The following ARL5B variants were observed in gnomAD, a reference collection of about 807,000 sequenced individuals.
ARL5B encodes ARF like GTPase 5B, also known as ADP-ribosylation factor-like protein 5B.
ARL5B carries 10 observed loss-of-function variants against 26.9 expected under a neutral mutation model. The observed-to-expected ratio is 0.37, with a 90% CI of 0.23 to 0.63. ARL5B has a LOEUF of 0.63. Ranked by LOEUF, ARL5B falls within the 30% of genes least tolerant of loss-of-function variation. ARL5B has a pLI of 0.62. For missense variants in ARL5B, 167 were observed against 213.9 expected, an observed-to-expected ratio of 0.78 and a Z score of 1.37; for synonymous variants, 87 against 70.4, an observed-to-expected ratio of 1.24 and a Z score of -1.18.
In ARL5B at chr10:18,681,476, G is replaced by A. The variant is rs535093672; in HGVS notation, c.*6260G>A. The A allele has an allele frequency of 6.6e-6, 1 of 152,104 alleles. No homozygotes were observed. The highest frequency in any genetic ancestry group is 1.5e-5 in the Non-Finnish European group (1 of 68,010). 9.4% of individuals were successfully genotyped at this position (152,104 alleles called of 1,614,324 possible). The stretch of plus-strand genomic sequence containing the variant: ...GCAATTATGTTATAATGAGTTGTTT[G>A]CATGCCTACTTAACCCAAGTAAAAC... On this transcript the variant is annotated 3_prime_UTR_variant, in exon 6 of 6. Coordinates refer to ENST00000377275, the MANE Select transcript of ARL5B (RefSeq NM_178815.5).
intron 3 of ARL5B, among the ~76,000 whole-genome samples, chr10:18,669,032 G>T (rs551978024): frequency 1.2e-3 from 183 of 152,310 alleles, no homozygotes; most frequent in African/African-American, 4.2e-3. Flanking sequence ...GCCTCCCAAA[G>T]TGCTGGGATT....
At chr10:18,666,943 G>T (rs1342200372) in intron 2 of ARL5B, among the ~76,000 whole-genome samples, 1 of 152,046 alleles carries the variant, frequency 6.6e-6, no homozygotes, top group African/African-American at 2.4e-5. Flanking sequence ...ACCCCACTTG[G>T]GTTTATGTAA....
chr10:18,674,250 A>C, intron 5 of ARL5B, 115 bp downstream of exon 5: 1 of 983,120 alleles, frequency 1.0e-6, no homozygotes, highest in Non-Finnish European at 1.4e-6. Flanking sequence ...GTTCTTAATT[A>C]AAGGTGACTT....
At chr10:18,660,736 A>G (rs1282951523) in intron 1 of ARL5B, among the ~76,000 whole-genome samples, 1 of 152,250 alleles carries the variant, frequency 6.6e-6, no homozygotes, top group Non-Finnish European at 1.5e-5. Flanking sequence ...ATGTGTATAT[A>G]TATGTATATG....
chr10:18,671,694 A>G (rs1183545485), intron 3 of ARL5B, among the ~76,000 whole-genome samples: 1 of 148,508 alleles, frequency 6.7e-6, no homozygotes, highest in East Asian at 2.1e-4. Context: ...AAAATGAGTT[A>G]GGGCCTCTCT....
At chr10:18,674,367 A>G (rs2059901412) in intron 5 of ARL5B, among the ~76,000 whole-genome samples, 4 of 152,234 alleles carry the variant, frequency 2.6e-5, no homozygotes, top group Admixed American at 2.0e-4. Context: ...GCAATAAACT[A>G]TTGAATTGAG....
intron 1 of ARL5B, among the ~76,000 whole-genome samples, chr10:18,663,705 C>A (rs559142598): frequency 6.6e-6 from 1 of 150,620 alleles, no homozygotes; most frequent in Non-Finnish European, 1.5e-5. Flanking sequence ...TCTGCCACCA[C>A]GCCCGGCTGA....
chr10:18,674,661 T>C (rs1462892497), intron 5 of ARL5B, among the ~76,000 whole-genome samples: 1 of 152,228 alleles, frequency 6.6e-6, no homozygotes, highest in African/African-American at 2.4e-5. Flanking sequence ...AAGAACCGAA[T>C]GTTATTTAAG....
intron 2 of ARL5B, among the ~76,000 whole-genome samples, chr10:18,667,727 A>C (rs61839374): frequency 6.6e-6 from 1 of 151,944 alleles, no homozygotes; most frequent in South Asian, 2.1e-4. Flanking sequence ...ACACACACAC[A>C]AACACACACA....
chr10:18,659,629 G>C lies in ARL5B; in HGVS notation c.-9G>C, dbSNP rs778721717. On this transcript the variant is annotated 5_prime_UTR_variant, in exon 1 of 6. Transcript: ENST00000377275. ...CCGAGGGACCCCGCGGCCCGCCCCG[G>C]TGCTCGTGATGGGGCTGATCTTCGC... The C allele has an allele frequency of 1.4e-5, 22 of 1,609,314 alleles. No individual in the cohort carries two copies. Among genetic ancestry groups the C allele is most frequent in the Non-Finnish European group, 1.8e-5 (21 of 1,178,122 alleles).
Position 18,671,592 on chromosome 10 carries a change from A to G in ARL5B, c.256-1030A>G, listed in dbSNP as rs547607837. Among the ~76,000 whole-genome samples, 7 of 151,836 alleles carry G rather than the reference A, an allele frequency of 4.6e-5. No homozygotes were observed. The East Asian group carries it at 1.4e-3, about 30-fold the overall frequency. ...CTCATTTCTTAACTTTTTATTCTGT[A>G]TACAGTGTTCAGCTTAAGGGTGCTT... On this transcript the variant is annotated intron_variant, in intron 3 of 5. Transcript: ENST00000377275.
rs975049001 is a variant in ARL5B at position 18,681,619 on chromosome 10, T to C, written c.*6403T>C. The C allele has an allele frequency of 3.3e-5, 5 of 152,216 alleles. No individual in the cohort carries two copies. Among genetic ancestry groups the C allele is most frequent in the Non-Finnish European group, 5.9e-5 (4 of 68,050 alleles). The allele number at this position is 152,216 out of a possible 1,614,324, so 9.4% of individuals were successfully genotyped here. A position where few individuals can be genotyped will look rare whatever the true frequency, so the allele number is the denominator to read the frequency against. On this transcript the variant is annotated 3_prime_UTR_variant, in exon 6 of 6. Transcript: ENST00000377275. ...TTCAACAGTTTTATTTTTGTCATAATAAATAATTACTTTTCCAATACGAAG... is the reference window on the plus strand; with the variant it reads ...TTCAACAGTTTTATTTTTGTCATAACAAATAATTACTTTTCCAATACGAAG...
chr10:18,675,336 A>T lies in ARL5B; in HGVS notation c.*120A>T. ...ATAACAACACAAACCTCTGAGAGCA[A>T]CACTTGAATCAAGTGCAGCTGAACT... On this transcript the variant is annotated 3_prime_UTR_variant, in exon 6 of 6. Coordinates refer to ENST00000377275, the MANE Select transcript of ARL5B (RefSeq NM_178815.5). 1 of 945,576 alleles carries T rather than the reference A, an allele frequency of 1.1e-6. No homozygotes were observed. The highest frequency in any genetic ancestry group is 1.6e-6 in the Non-Finnish European group (1 of 610,216). The allele number at this position is 945,576 out of a possible 1,614,324, so 58.6% of individuals were successfully genotyped here.
intron 1 of ARL5B, among the ~76,000 whole-genome samples, chr10:18,664,477 G>A (rs561805880): frequency 1.8e-5 from 2 of 109,104 alleles, no homozygotes; most frequent in East Asian, 6.6e-4. Flanking sequence ...TCGCTCTGTT[G>A]CCCAGGCTGG....
At chr10:18,669,994 C>CAAA (rs1210060603) in intron 3 of ARL5B, among the ~76,000 whole-genome samples, 5 of 65,130 alleles carry the variant, frequency 7.7e-5, no homozygotes, top group Non-Finnish European at 1.3e-4. Flanking sequence ...ACTCTTATCT[C>CAAA]AAAAAAAAAA....
intron 3 of ARL5B, among the ~76,000 whole-genome samples, chr10:18,672,041 CT>C (rs2059890047): frequency 6.6e-6 from 1 of 152,110 alleles, no homozygotes; most frequent in Non-Finnish European, 1.5e-5. Context: ...GGTGTCTTGC[CT>C]TTATTTAATT....
intron 5 of ARL5B, among the ~76,000 whole-genome samples, chr10:18,674,444 C>T (rs924723439): frequency 1.3e-5 from 2 of 152,100 alleles, no homozygotes; most frequent in African/African-American, 4.8e-5. Flanking sequence ...TGTAATGTCA[C>T]CTTTCTTTTA....
intron 1 of ARL5B, among the ~76,000 whole-genome samples, chr10:18,665,635 C>T (rs1308198311): frequency 2.0e-5 from 3 of 152,082 alleles, no homozygotes; most frequent in South Asian, 2.1e-4. Flanking sequence ...TCAAGAAGAG[C>T]GGGATTCTGA....
intron 2 of ARL5B, 106 bp downstream of exon 2, chr10:18,666,741 GTTTT>G (rs45622941): frequency 1.2e-6 from 1 of 854,718 alleles, no homozygotes; most frequent in African/African-American, 1.8e-5. Context: ...TTAAATATAT[GTTTT>G]TTGTTTTTTG....
Sources: gnomAD v4.1 joint callset for allele counts (sites outside exome capture counted in the v4.1 genomes callset) on GRCh38, gnomAD v4.1.1 for gene constraint, MANE v1.5 for transcripts, NCBI Gene and HGNC (gene_info 2026-07-23, HGNC 2026-07-21) for gene names.